The following KALRN variants were observed in gnomAD, a reference collection of about 807,000 sequenced individuals.
The protein encoded by KALRN is kalirin.
In KALRN, 70 loss-of-function variants were observed where a neutral mutation model predicts 353.7. The ratio of observed to expected loss-of-function variants is 0.20; its 90% CI spans 0.16 to 0.24. The LOEUF (loss-of-function observed/expected upper bound fraction) is 0.24. Among genes scored for constraint, KALRN ranks in the 10% least tolerant of loss-of-function variants. The pLI is 1.00. For missense variants in KALRN, 2,791 were observed against 3,756.7 expected, an observed-to-expected ratio of 0.74 and a Z score of 6.72; for synonymous variants, 1,391 against 1,434.8, an observed-to-expected ratio of 0.97 and a Z score of 0.69.
At position 124,495,986 on chromosome 3, in the gene KALRN, T is replaced by TATATATATATACAC. The variant is rs2063746248; in HGVS notation, c.4833-314_4833-313insCACATATATATATA. 9.5e-5 allele frequency among the ~76,000 whole-genome samples: 5 copies of TATATATATATACAC among 52,784 alleles called. 1 individual carries two copies. The highest frequency in any genetic ancestry group is 4.2e-4 in the African/African-American group (5 of 11,812). The allele number at this position is 52,784 out of a possible 152,430, so 34.6% of individuals were successfully genotyped here. A position where few individuals can be genotyped will look rare whatever the true frequency, so the allele number is the denominator to read the frequency against. ...GTATGTATATATATATATATATATA[T>TATATATATATACAC]ATATATATATATATATATATATATA... On this transcript the variant is annotated intron_variant, in intron 32 of 59. Transcript: ENST00000682506.
At chr3:124,666,804 G>A (rs1199853992) in intron 46 of KALRN, among the ~76,000 whole-genome samples, 170 bp downstream of exon 46, 1 of 152,214 alleles carries the variant, frequency 6.6e-6, no homozygotes, top group Non-Finnish European at 1.5e-5. Flanking sequence ...GAGCTGAAGT[G>A]ACAGGCTGAG....
chr3:124,534,354 C>A (rs962033142), intron 33 of KALRN, among the ~76,000 whole-genome samples: 1 of 152,100 alleles, frequency 6.6e-6, no homozygotes, highest in Non-Finnish European at 1.5e-5. Context: ...GGGGTAACAA[C>A]ACACACTGGG....
At chr3:124,263,470 G>A (rs1327874720) in intron 3 of KALRN, among the ~76,000 whole-genome samples, 1 of 152,140 alleles carries the variant, frequency 6.6e-6, no homozygotes, top group African/African-American at 2.4e-5. Flanking sequence ...ACAGCTACCT[G>A]GAAGGCTGAG....
At chr3:124,092,372 C>T (rs915304715) in intron 1 of KALRN, among the ~76,000 whole-genome samples, 2 of 152,186 alleles carry the variant, frequency 1.3e-5, no homozygotes, top group South Asian at 2.1e-4. Flanking sequence ...GCGAGCCTCC[C>T]GTTTCAGATT....
Position 124,269,038 on chromosome 3 carries a change from G to C in KALRN, c.752G>C (p.Gly251Ala). 6.2e-7 allele frequency: 1 copy of C among 1,612,968 alleles called. No individual in the cohort carries two copies. The highest frequency in any genetic ancestry group is 8.5e-7 in the Non-Finnish European group (1 of 1,179,698). The part of the protein sequence containing the change: ...KAPVEELDRE[G>A]QRLLQCIRCS... ...CCTGTGGAGGAGCTGGACCGGGAGG[G>C]GCAGCGGCTGCTGCAGTGCATCCGC... The change falls in exon 5 of 60, where the codon GGG becomes GCG. Residue 251 changes from glycine (G) to alanine (A), a missense_variant. By Grantham distance (60) the Gly-to-Ala change is moderately conservative (BLOSUM62 0). Transcript: ENST00000682506.
intron 27 of KALRN, among the ~76,000 whole-genome samples, chr3:124,481,821 T>C (rs1273320013): frequency 6.6e-6 from 1 of 152,224 alleles, no homozygotes; most frequent in African/African-American, 2.4e-5. Context: ...TGAGGCCTTA[T>C]CTCTACTAAC....
chr3:124,690,732 C>T (rs2061768974), intron 51 of KALRN, among the ~76,000 whole-genome samples: 11 of 152,202 alleles, frequency 7.2e-5, no homozygotes, highest in Admixed American at 7.2e-4. Context: ...CTCTGCACTT[C>T]CTCCAGGGTT....
chr3:124,698,260 GCCACCGCGC>G (rs1319100708), intron 55 of KALRN, among the ~76,000 whole-genome samples: 1 of 152,228 alleles, frequency 6.6e-6, no homozygotes, highest in Non-Finnish European at 1.5e-5. Flanking sequence ...ACAGGCGTAA[GCCACCGCGC>G]CCGGCCTCCT....
At chr3:124,258,662 A>G (rs1323953391) in intron 3 of KALRN, among the ~76,000 whole-genome samples, 1 of 152,224 alleles carries the variant, frequency 6.6e-6, no homozygotes, top group Non-Finnish European at 1.5e-5. Flanking sequence ...GTTCTTGAAC[A>G]CCTACTATGT....
intron 33 of KALRN, among the ~76,000 whole-genome samples, chr3:124,555,922 A>T (rs2071187140): frequency 6.6e-6 from 1 of 152,204 alleles, no homozygotes; most frequent in South Asian, 2.1e-4. Context: ...GCTCAAGAAA[A>T]TTCAGTAGCA....
chr3:124,555,549 G>T (rs1156364596), intron 33 of KALRN, among the ~76,000 whole-genome samples: 1 of 151,936 alleles, frequency 6.6e-6, no homozygotes, highest in African/African-American at 2.4e-5. Context: ...GTTTTTGTCA[G>T]GTTTAGGAAT....
At chr3:124,471,959 TCC>T (rs1445607922) in intron 25 of KALRN, among the ~76,000 whole-genome samples, 1 of 111,446 alleles carries the variant, frequency 9.0e-6, no homozygotes, top group Non-Finnish European at 1.8e-5. Flanking sequence ...AGAGTGAGAC[TCC>T]GTCTCAAAAA....
intron 26 of KALRN, among the ~76,000 whole-genome samples, 190 bp downstream of exon 26, chr3:124,474,922 C>T (rs1160939220): frequency 2.0e-5 from 3 of 152,154 alleles, no homozygotes; most frequent in Non-Finnish European, 4.4e-5. Flanking sequence ...CTTAAGCTGT[C>T]TAAGAACTTT....
At chr3:124,389,913 T>C (rs1230274837) in intron 11 of KALRN, among the ~76,000 whole-genome samples, 1 of 152,246 alleles carries the variant, frequency 6.6e-6, no homozygotes, top group Non-Finnish European at 1.5e-5. Flanking sequence ...ATGTTATTTT[T>C]CAAAAGCAAA....
intron 1 of KALRN, chr3:124,080,106 A>C (rs2060464436): frequency 6.4e-6 from 3 of 470,534 alleles, no homozygotes; most frequent in African/African-American, 6.0e-5. Context: ...AGTGAACTCT[A>C]GTACTTGCAG....
intron 34 of KALRN, among the ~76,000 whole-genome samples, chr3:124,573,777 C>G (rs1243944432): frequency 5.3e-5 from 8 of 152,218 alleles, no homozygotes; most frequent in African/African-American, 1.9e-4. Flanking sequence ...ACAGCAGGTC[C>G]ATCTGGCTCC....
chr3:124,470,798 C>T (rs558152713), intron 25 of KALRN, among the ~76,000 whole-genome samples: 23 of 152,276 alleles, frequency 1.5e-4, no homozygotes, highest in Middle Eastern at 3.4e-3. Context: ...GTCTGATACT[C>T]GCCCCAAAAG....
chr3:124,372,648 A>G (rs997354515), intron 10 of KALRN, among the ~76,000 whole-genome samples: 7 of 152,138 alleles, frequency 4.6e-5, no homozygotes, highest in African/African-American at 1.7e-4. Context: ...TTCATTAAAT[A>G]TTCTTCAAAA....
chr3:124,570,293 T>G (rs993549921), intron 34 of KALRN, among the ~76,000 whole-genome samples: 3 of 152,256 alleles, frequency 2.0e-5, no homozygotes, highest in Non-Finnish European at 4.4e-5. Flanking sequence ...TGCAGCTTGC[T>G]GATTTACTTT....
Sources: gnomAD v4.1 joint callset for allele counts (sites outside exome capture counted in the v4.1 genomes callset) on GRCh38, gnomAD v4.1.1 for gene constraint, MANE v1.5 for transcripts, NCBI Gene and HGNC (gene_info 2026-07-23, HGNC 2026-07-21) for gene names.